Variants in TRAK1 observed in about 807,000 individuals in gnomAD.
The protein encoded by TRAK1 is trafficking kinesin-binding protein 1.
In TRAK1, 33 loss-of-function variants were observed where a neutral mutation model predicts 92.1. The observed-to-expected ratio is 0.36, with a 90% CI of 0.27 to 0.48. The LOEUF (loss-of-function observed/expected upper bound fraction) is 0.48, where lower values mean the gene tolerates loss of function less well. Ranked by LOEUF, TRAK1 falls within the 20% of genes least tolerant of loss-of-function variation. The pLI is 0.99. For missense variants in TRAK1, 1,123 were observed against 1,257.9 expected (o/e 0.89, Z 1.62); for synonymous variants, 521 against 517.3 (o/e 1.01, Z -0.10).
intron 2 of TRAK1, among the ~76,000 whole-genome samples, chr3:42,130,856 G>A (rs1008301604): frequency 3.9e-5 from 6 of 152,130 alleles, no homozygotes; most frequent in Non-Finnish European, 5.9e-5. Flanking sequence ...CCTGAGGTGC[G>A]GGGTGCATTG....
chr3:42,096,978 A>G (rs1267787094), intron 1 of TRAK1, among the ~76,000 whole-genome samples: 2 of 152,214 alleles, frequency 1.3e-5, no homozygotes, highest in Admixed American at 6.5e-5. Context: ...CTTTCCTCCC[A>G]AGGGAATGAC....
intron 1 of TRAK1, among the ~76,000 whole-genome samples, chr3:42,041,155 G>A (rs1202394063): frequency 2.0e-5 from 3 of 148,044 alleles, no homozygotes; most frequent in Non-Finnish European, 4.5e-5. Flanking sequence ...AAAAAAAAAC[G>A]GCTGGGATTT....
intron 2 of TRAK1, among the ~76,000 whole-genome samples, chr3:42,138,924 T>TGTGTGTGTGTGTGTG (rs1491483442): frequency 7.0e-5 from 9 of 129,270 alleles, no homozygotes; most frequent in East Asian, 2.3e-4. Flanking sequence ...TGTGTGTGTG[T>TGTGTGTGTGTGTGTG]TTGGAGGAGG....
At chr3:42,191,895 A>ATGTTTTTT (rs1705796246) in intron 7 of TRAK1, among the ~76,000 whole-genome samples, 1 of 72,766 alleles carries the variant, frequency 1.4e-5, no homozygotes, top group Non-Finnish European at 2.4e-5. Context: ...GAATATTGGA[A>ATGTTTTTT]TTTTTTTTTT....
chr3:42,154,888 G>A (rs1372419633), intron 2 of TRAK1, among the ~76,000 whole-genome samples: 1 of 152,104 alleles, frequency 6.6e-6, no homozygotes, highest in Non-Finnish European at 1.5e-5. Flanking sequence ...CATACCTGAA[G>A]GAGATGGGGA....
chr3:42,056,350 T>C (rs149663470), intron 1 of TRAK1, among the ~76,000 whole-genome samples: 269 of 152,348 alleles, frequency 1.8e-3, no homozygotes, highest in Non-Finnish European at 3.2e-3. Flanking sequence ...ATGCTTGTTA[T>C]TATCTGTCTT....
intron 2 of TRAK1, chr3:42,151,273 C>G (rs1456927673): frequency 6.7e-6 from 3 of 448,206 alleles, no homozygotes; most frequent in African/African-American, 4.0e-5. Context: ...CATGGTCAAT[C>G]TGGAGGGTGA....
chr3:42,207,068 C>T (rs956093521), intron 13 of TRAK1, among the ~76,000 whole-genome samples: 6 of 152,134 alleles, frequency 3.9e-5, no homozygotes, highest in Non-Finnish European at 7.4e-5. Context: ...TCTTCACTTC[C>T]CAGAGTCTAT....
At chr3:42,218,417 G>C in intron 14 of TRAK1, 1 of 984,062 alleles carries the variant, frequency 1.0e-6, no homozygotes, top group Non-Finnish European at 1.2e-6. Flanking sequence ...GAGGTCTCTG[G>C]GGGCTGAGCT....
chr3:42,175,078 A>G (rs1466207295), intron 2 of TRAK1, among the ~76,000 whole-genome samples: 2 of 152,134 alleles, frequency 1.3e-5, no homozygotes, highest in African/African-American at 2.4e-5. Flanking sequence ...CTTTTTTTCC[A>G]GGAAGGCAGA....
At chr3:42,160,336 G>A (rs367980895) in intron 2 of TRAK1, 65 of 1,613,674 alleles carry the variant, frequency 4.0e-5, no homozygotes, top group East Asian at 1.3e-4. Context: ...TTAGGGTGAT[G>A]TTTTGGCTTT....
At position 42,193,265 on chromosome 3, in the gene TRAK1, A is replaced by G. The variant is rs1706090178; in HGVS notation, c.900+60A>G. On this transcript the variant is annotated intron_variant, in intron 8 of 15. Coordinates refer to ENST00000327628, the MANE Select transcript of TRAK1 (RefSeq NM_001042646.3). ...ATGGCCATGCTGAGACGGGGAAGGGACATTTACTCCAGAAGACAGTGCTCT... is the reference window on the plus strand; with the variant it reads ...ATGGCCATGCTGAGACGGGGAAGGGGCATTTACTCCAGAAGACAGTGCTCT... 5 of 1,599,162 alleles carry G rather than the reference A, an allele frequency of 3.1e-6. No individual in the cohort carries two copies. The South Asian group carries it at 5.6e-5, about 18-fold the overall frequency.
chr3:42,166,648 T>G (rs893693535), intron 2 of TRAK1, among the ~76,000 whole-genome samples: 1 of 152,248 alleles, frequency 6.6e-6, no homozygotes, highest in African/African-American at 2.4e-5. Flanking sequence ...AGTAGTATAC[T>G]CATTTCATTT....
chr3:42,023,811 TG>T (rs1256539956), intron 1 of TRAK1, among the ~76,000 whole-genome samples: 1 of 139,244 alleles, frequency 7.2e-6, no homozygotes, highest in African/African-American at 2.7e-5. Context: ...TGGAGTGCAG[TG>T]GCACAGTCTT....
chr3:42,083,917 G>T (rs1425009736), upstream of TRAK1, among the ~76,000 whole-genome samples: 7 of 151,874 alleles, frequency 4.6e-5, no homozygotes, highest in Non-Finnish European at 1.0e-4. Context: ...AATAAATTCT[G>T]AGGAATTATC....
chr3:42,043,875 C>T (rs1242960846), intron 1 of TRAK1, among the ~76,000 whole-genome samples: 4 of 151,032 alleles, frequency 2.6e-5, no homozygotes. Flanking sequence ...CCTTCTATAC[C>T]TTTCAGTTGG....
At chr3:42,091,202 A>G, upstream of TRAK1, 1 of 424,772 alleles carries the variant, frequency 2.4e-6, no homozygotes. Flanking sequence ...CCCTTCCCCC[A>G]ACCTAGAGGT....
At chr3:42,198,895 GC>G (rs1707138157) in intron 10 of TRAK1, among the ~76,000 whole-genome samples, 1 of 152,040 alleles carries the variant, frequency 6.6e-6, no homozygotes, top group Non-Finnish European at 1.5e-5. Context: ...CCATGGTTTG[GC>G]CAACGGAGCA....
At chr3:42,115,570 T>C (rs1252327290) in intron 1 of TRAK1, among the ~76,000 whole-genome samples, 1 of 152,222 alleles carries the variant, frequency 6.6e-6, no homozygotes, top group East Asian at 1.9e-4. Context: ...CTCAACTGTG[T>C]AATTTTGTGT....
Sources: gnomAD v4.1 joint callset for allele counts (sites outside exome capture counted in the v4.1 genomes callset) on GRCh38, gnomAD v4.1.1 for gene constraint, MANE v1.5 for transcripts, NCBI Gene and HGNC (gene_info 2026-07-23, HGNC 2026-07-21) for gene names.